The following CFAP107 variants were observed in gnomAD, a reference collection of about 807,000 sequenced individuals.
The protein encoded by CFAP107 is cilia- and flagella-associated protein 107.
At chr1:12,755,128 C>G in the CFAP107 span, among the ~76,000 whole-genome samples, 1 of 152,100 alleles carries the variant, frequency 6.6e-6, no homozygotes, top group Non-Finnish European at 1.5e-5. Flanking sequence ...AAGGGAGGGC[C>G]GGGCACAGTG....
At chr1:12,746,548 A>T in the CFAP107 span, 3 of 1,599,364 alleles carry the variant, frequency 1.9e-6, no homozygotes, top group Middle Eastern at 1.7e-4. Flanking sequence ...AAAGGTAAGG[A>T]AACGAGAGAG....
the CFAP107 span, chr1:12,763,454 G>A: frequency 6.6e-6 from 1 of 151,838 alleles, no homozygotes; most frequent in Non-Finnish European, 1.5e-5. Flanking sequence ...AGAAAGCTGA[G>A]GGAGATTACC....
At chr1:12,748,935 A>C in the CFAP107 span, among the ~76,000 whole-genome samples, 2 of 152,208 alleles carry the variant, frequency 1.3e-5, no homozygotes, top group African/African-American at 4.8e-5. Flanking sequence ...TGAATTGAAA[A>C]ATTCAATAGA....
chr1:12,750,415 T>C, the CFAP107 span, among the ~76,000 whole-genome samples: 1 of 152,218 alleles, frequency 6.6e-6, no homozygotes, highest in Admixed American at 6.5e-5. Context: ...TGGATTAAAC[T>C]TCCAAATGAA....
chr1:12,749,077 AAG>A, the CFAP107 span, among the ~76,000 whole-genome samples: 3 of 152,162 alleles, frequency 2.0e-5, no homozygotes, highest in Admixed American at 6.5e-5. Context: ...CCATAAGGAG[AAG>A]AGAGAGAGAA....
chr1:12,757,226 AAG>A, the CFAP107 span, among the ~76,000 whole-genome samples: 1 of 152,168 alleles, frequency 6.6e-6, no homozygotes. Context: ...AGCTCTGACT[AAG>A]AGTTTAACAT....
the CFAP107 span, chr1:12,755,870 G>A: frequency 8.2e-7 from 1 of 1,214,448 alleles, no homozygotes; most frequent in Non-Finnish European, 1.2e-6. Context: ...AAGCTCAGGG[G>A]ACACCAGCCA....
the CFAP107 span, among the ~76,000 whole-genome samples, chr1:12,752,222 C>A: frequency 6.6e-6 from 1 of 151,980 alleles, no homozygotes; most frequent in Admixed American, 6.6e-5. Flanking sequence ...ATAGTAGAAA[C>A]CCCCATTCAA....
At chr1:12,750,595 T>C in the CFAP107 span, among the ~76,000 whole-genome samples, 2 of 152,152 alleles carry the variant, frequency 1.3e-5, no homozygotes, top group Non-Finnish European at 2.9e-5. Context: ...TCAGACGAAG[T>C]AGGCTTTAGG....
the CFAP107 span, chr1:12,763,681 A>C: frequency 2.0e-5 from 3 of 152,174 alleles, no homozygotes; most frequent in Non-Finnish European, 4.4e-5. Flanking sequence ...AATGTGAATA[A>C]ATGCACATTT....
chr1:12,763,682 A>G, the CFAP107 span: 1 of 152,206 alleles, frequency 6.6e-6, no homozygotes, highest in Non-Finnish European at 1.5e-5. Flanking sequence ...ATGTGAATAA[A>G]TGCACATTTA....
the CFAP107 span, chr1:12,759,221 C>A: frequency 6.9e-7 from 1 of 1,449,436 alleles, no homozygotes; most frequent in Non-Finnish European, 9.5e-7. Flanking sequence ...GCACCACAGA[C>A]CCCTACATGT....
the CFAP107 span, among the ~76,000 whole-genome samples, chr1:12,751,937 A>G: frequency 6.6e-6 from 1 of 152,198 alleles, no homozygotes; most frequent in Non-Finnish European, 1.5e-5. Flanking sequence ...GAATAGATCT[A>G]TAACTAGTGA....
At chr1:12,755,667 C>A in the CFAP107 span, 12 of 1,459,530 alleles carry the variant, frequency 8.2e-6, no homozygotes, top group Non-Finnish European at 1.2e-5. Flanking sequence ...AGTGGCATCT[C>A]AGAGGTTTTC....
the CFAP107 span, among the ~76,000 whole-genome samples, chr1:12,746,790 A>G: frequency 6.6e-6 from 1 of 152,136 alleles, no homozygotes; most frequent in African/African-American, 2.4e-5. Context: ...ACTCTCTTAC[A>G]GATATAACAG....
chr1:12,757,243 T>C, the CFAP107 span, among the ~76,000 whole-genome samples: 1 of 152,090 alleles, frequency 6.6e-6, no homozygotes, highest in Non-Finnish European at 1.5e-5. Context: ...TAACATACAG[T>C]CTGGTTAAAA....
chr1:12,759,576 C>T, the CFAP107 span: 2 of 1,468,118 alleles, frequency 1.4e-6, no homozygotes, highest in African/African-American at 2.8e-5. Flanking sequence ...CAGAAGGAGC[C>T]ACACAGGTGA....
the CFAP107 span, among the ~76,000 whole-genome samples, chr1:12,750,837 T>C: frequency 6.6e-6 from 1 of 151,892 alleles, no homozygotes; most frequent in Non-Finnish European, 1.5e-5. Flanking sequence ...AAAGGCAGAA[T>C]ACGTGTGTTT....
chr1:12,755,568 G>T, the CFAP107 span: 1 of 697,350 alleles, frequency 1.4e-6, no homozygotes, highest in South Asian at 1.5e-5. Context: ...TTCCTGTGTT[G>T]GGCAGGGTGT....
Sources: allele counts gnomAD v4.1 joint callset (sites outside exome capture counted in the v4.1 genomes callset), GRCh38; gene constraint gnomAD v4.1.1; transcripts MANE v1.5; gene names NCBI Gene and HGNC (gene_info 2026-07-23, HGNC 2026-07-21).